Variants in TIAM1 observed in about 807,000 individuals in gnomAD.
TIAM1 encodes the protein TIAM Rac1 associated GEF 1, also known as rho guanine nucleotide exchange factor TIAM1.
In TIAM1, 65 loss-of-function variants were observed where a neutral mutation model predicts 163.5. That is an observed-to-expected ratio of 0.40 (90% confidence interval 0.33 to 0.49). The LOEUF is 0.49. Among genes scored for constraint, TIAM1 ranks in the 20% least tolerant of loss-of-function variants. The pLI is 0.77. For synonymous variants in TIAM1, 833 were observed against 810.1 expected (o/e 1.03, Z -0.48); for missense variants, 1,789 against 2,044.7 (o/e 0.87, Z 2.41).
chr21:31,547,902 A>G (rs2048548079), intron 1 of TIAM1, among the ~76,000 whole-genome samples: 1 of 152,208 alleles, frequency 6.6e-6, no homozygotes, highest in Non-Finnish European at 1.5e-5. Flanking sequence ...ACATTAATTG[A>G]AAGAACTTGC....
Position 31,339,627 on chromosome 21 carries a change from T to C in TIAM1, c.-368-205A>G, listed in dbSNP as rs879386721. On this transcript the variant is annotated intron_variant, in intron 1 of 27. Transcript: ENST00000541036. ...GAAGCATTTACCAGGCTTAGTTATC[T>C]ATAGCTTTGTAGAAAGCACCTTGAC... Among the ~76,000 whole-genome samples, 17 of 152,194 alleles carry C rather than the reference T, an allele frequency of 1.1e-4. 2 individuals carry two copies. Among genetic ancestry groups the C allele is most frequent in the Admixed American group, 5.9e-4 (9 of 15,284 alleles).
chr21:31,429,661 G>A (rs894992454), intron 2 of TIAM1, among the ~76,000 whole-genome samples: 2 of 152,084 alleles, frequency 1.3e-5, no homozygotes, highest in Admixed American at 6.6e-5. Flanking sequence ...AGAGTTAGGC[G>A]TGGGCGCACC....
chr21:31,227,382 C>A (rs1174572082), intron 6 of TIAM1, among the ~76,000 whole-genome samples: 1 of 152,154 alleles, frequency 6.6e-6, no homozygotes, highest in African/African-American at 2.4e-5. Flanking sequence ...GTTTTGTATT[C>A]CACAGAAGAA....
chr21:31,202,091 G>A (rs1012277979), intron 12 of TIAM1, among the ~76,000 whole-genome samples: 1 of 151,668 alleles, frequency 6.6e-6, no homozygotes, highest in African/African-American at 2.4e-5. Context: ...AAATGTCCCC[G>A]AGAAGCTATA....
chr21:31,418,873 T>C (rs2043467356), intron 2 of TIAM1, among the ~76,000 whole-genome samples: 1 of 152,212 alleles, frequency 6.6e-6, no homozygotes, highest in Non-Finnish European at 1.5e-5. Context: ...CCGTTTCTTT[T>C]ACTGCAGTTG....
In TIAM1 at chr21:31,217,511, G is replaced by A. The variant is rs138330991; in HGVS notation, c.2142+42C>T. 427 of 1,595,178 alleles carry A rather than the reference G, an allele frequency of 2.7e-4. 2 individuals carry two copies. In the East Asian group the frequency reaches 6.8e-3, roughly 25 times the overall value. ...ACCCCAAATTGAGGTGGCCACAGAA[G>A]TGATTTGTGCGGGCTCACTTTTCAT... On this transcript the variant is annotated intron_variant, in intron 9 of 27. Coordinates refer to ENST00000541036, the MANE Select transcript of TIAM1 (RefSeq NM_001353694.2).
In TIAM1 at chr21:31,251,845, C is replaced by G; in HGVS notation, c.1308G>C (p.Lys436Asn). 1 of 1,613,868 alleles carries G rather than the reference C, an allele frequency of 6.2e-7. No homozygotes were observed. The highest frequency in any genetic ancestry group is 8.5e-7 in the Non-Finnish European group (1 of 1,179,886). ...LLTAAQGTVRKAGALAVKNFL... is the reference protein window; with the variant it reads ...LLTAAQGTVRNAGALAVKNFL... ...AGTTCTTGACGGCCAGGGCGCCGGCCTTGCGCACCGTGCCCTGTGCGGCGG... is the reference window on the plus strand; with the variant it reads ...AGTTCTTGACGGCCAGGGCGCCGGCGTTGCGCACCGTGCCCTGTGCGGCGG... Residue 436 changes from lysine (K) to asparagine (N), a missense_variant, in exon 5 of 28, where the codon AAG (lysine) becomes AAC (asparagine). This residue lies in a region of TIAM1 where 456 missense variants were observed against 586.6 expected (regional missense o/e 0.78). Coordinates refer to ENST00000541036, the MANE Select transcript of TIAM1 (RefSeq NM_001353694.2).
intron 2 of TIAM1, among the ~76,000 whole-genome samples, chr21:31,381,954 CTT>C (rs1364106092): frequency 1.5e-4 from 23 of 152,208 alleles, no homozygotes; most frequent in Non-Finnish European, 2.2e-4. Flanking sequence ...TGGTCTTGGA[CTT>C]CCTCACCTTC....
intron 2 of TIAM1, among the ~76,000 whole-genome samples, chr21:31,334,985 G>A (rs2075793205): frequency 6.6e-6 from 1 of 152,110 alleles, no homozygotes. Context: ...AGTTCCCGGA[G>A]TGGCCATCTG....
chr21:31,410,094 T>C (rs2300364), intron 2 of TIAM1, among the ~76,000 whole-genome samples: 3 of 141,026 alleles, frequency 2.1e-5, no homozygotes, highest in Non-Finnish European at 4.5e-5. Context: ...GCAGTGTGTG[T>C]GTGTGTGTGA....
intron 1 of TIAM1, among the ~76,000 whole-genome samples, chr21:31,343,728 A>G (rs1432056474): frequency 1.3e-5 from 2 of 152,162 alleles, no homozygotes; most frequent in Non-Finnish European, 2.9e-5. Flanking sequence ...GCAATTACCC[A>G]ACGAGCAGCG....
intron 11 of TIAM1, among the ~76,000 whole-genome samples, chr21:31,203,949 A>G (rs2086329298): frequency 6.6e-6 from 1 of 152,272 alleles, no homozygotes; most frequent in Non-Finnish European, 1.5e-5. Flanking sequence ...CTCAAAGAAA[A>G]CAATTCTAAA....
chr21:31,449,451 G>A (rs992002981), intron 2 of TIAM1, among the ~76,000 whole-genome samples: 2 of 152,006 alleles, frequency 1.3e-5, no homozygotes, highest in East Asian at 3.9e-4. Context: ...CAATCTCACT[G>A]CACTGCAACC....
chr21:31,503,102 A>G (rs1395082459), intron 1 of TIAM1, among the ~76,000 whole-genome samples: 2 of 152,182 alleles, frequency 1.3e-5, no homozygotes, highest in African/African-American at 2.4e-5. Flanking sequence ...CCTTAGGAAA[A>G]TGGTGAAGAA....
chr21:31,227,411 A>C, intron 6 of TIAM1, among the ~76,000 whole-genome samples: 1 of 152,226 alleles, frequency 6.6e-6, no homozygotes, highest in Non-Finnish European at 1.5e-5. Context: ...AAATATTAAA[A>C]ATGGTGTCAG....
rs1442263580 is a variant in TIAM1 at position 31,358,642 on chromosome 21, C to T, written c.-368-19220G>A. On this transcript the variant is annotated intron_variant, in intron 2 of 28. Coordinates refer to the TIAM1 transcript ENST00000286827. Reference sequence around the variant, plus strand: ...CCCACATCGAATCAGTCGGAAAATTCTGTTGCATCCACTCTCCAAATATGT... The same window carrying T: ...CCCACATCGAATCAGTCGGAAAATTTTGTTGCATCCACTCTCCAAATATGT... 2.6e-5 allele frequency among the ~76,000 whole-genome samples: 4 copies of T among 152,282 alleles called. No individual in the cohort carries two copies. The East Asian group carries it at 7.7e-4, about 29-fold the overall frequency.
intron 19 of TIAM1, among the ~76,000 whole-genome samples, chr21:31,147,709 TTA>T (rs1446003856): frequency 6.9e-6 from 1 of 144,032 alleles, no homozygotes; most frequent in Non-Finnish European, 1.5e-5. Flanking sequence ...AATATATATT[TTA>T]TATAATATAT....
intron 2 of TIAM1, among the ~76,000 whole-genome samples, chr21:31,353,833 A>ATTTTTTTTT (rs2076272701): frequency 1.3e-4 from 5 of 38,056 alleles, no homozygotes; most frequent in East Asian, 1.4e-3. Context: ...TTATTTATTT[A>ATTTTTTTTT]TCTTTTTTTT....
In TIAM1 at chr21:31,210,739, GAAGGAAGGGA is replaced by G. The variant is rs1307679138; in HGVS notation, c.2218-534_2218-525del. Among the ~76,000 whole-genome samples, 29 of 75,948 alleles carry G rather than the reference GAAGGAAGGGA, an allele frequency of 3.8e-4. 2 individuals are homozygous for G. The highest frequency in any genetic ancestry group is 2.1e-3 in the African/African-American group (28 of 13,292). 49.8% of individuals were successfully genotyped at this position (75,948 alleles called of 152,430 possible). On this transcript the variant is annotated intron_variant, in intron 10 of 27. Transcript: ENST00000541036. ...AGAGAAAGAAAGAAAGAGAAAGAAG[GAAGGAAGGGA>G]GAAAGAAAGAAAGAAAGAAAGAAAG...
Sources: gnomAD v4.1 joint callset for allele counts (sites outside exome capture counted in the v4.1 genomes callset) on GRCh38, gnomAD v4.1.1 for gene constraint, gnomAD v4.1.1 regional missense constraint, MANE v1.5 for transcripts, NCBI Gene and HGNC (gene_info 2026-07-23, HGNC 2026-07-21) for gene names.